Variants in APOL2 observed in about 807,000 individuals in gnomAD.
The protein encoded by APOL2 is apolipoprotein L2.
A neutral mutation model predicts 7.1 loss-of-function variants in APOL2; 8 were observed. The ratio of observed to expected loss-of-function variants is 1.12; its 90% CI spans 0.66 to 2.03. The LOEUF is 2.03. APOL2 is among the 30% of genes most tolerant of loss of function. APOL2 has a pLI of 0.00. For missense variants in APOL2, 471 were observed against 415.1 expected (o/e 1.13, Z -1.17); for synonymous variants, 177 against 159.9 (o/e 1.11, Z -0.81).
chr22:36,238,860 G>A (rs749110146), intron 1 of APOL2, among the ~76,000 whole-genome samples: 1 of 152,180 alleles, frequency 6.6e-6, no homozygotes, highest in Non-Finnish European at 1.5e-5. Flanking sequence ...CTCCTGACAC[G>A]GGACCCTGGC....
At chr22:36,230,495 T>C (rs915681436) in intron 4 of APOL2, among the ~76,000 whole-genome samples, 12 of 152,102 alleles carry the variant, frequency 7.9e-5, no homozygotes, top group East Asian at 3.9e-4. Context: ...TTCCACACCC[T>C]AGTCCCAGCC....
In APOL2 at chr22:36,226,222, G is replaced by A. The variant is rs988570644; in HGVS notation, c.*1182C>T. On this transcript the variant is annotated 3_prime_UTR_variant, in exon 5 of 5. Transcript: ENST00000358502. ...AACAAGTCCAGCTTGGTGAGTAGGT[G>A]AGTTTATTGGGACTTACACACAGGT... is the stretch of plus-strand genomic sequence containing the variant. The A allele has an allele frequency of 1.3e-5, 2 of 152,250 alleles. No homozygotes were observed. The highest frequency in any genetic ancestry group is 1.5e-5 in the Non-Finnish European group (1 of 68,062). The allele number at this position is 152,250 out of a possible 1,614,324, so 9.4% of individuals were successfully genotyped here. A position where few individuals can be genotyped will look rare whatever the true frequency, so the allele number is the denominator to read the frequency against.
chr22:36,227,453 T>C lies in APOL2; in HGVS notation c.965A>G (p.Asn322Ser), dbSNP rs1421183770. The change falls in exon 5 of 5, where the codon AAC becomes AGC. Residue 322 changes from asparagine to serine, a missense_variant. Coordinates refer to ENST00000358502, the MANE Select transcript of APOL2 (RefSeq NM_030882.4). ...CATCTCATGGATCTTGGTGAGAAAG[T>C]TGAGCTTCCCCTCCAGCTCCTGAGC... ...KRAQELEGKL[N>S]FLTKIHEMLQ... 6 of 1,613,344 alleles carry C rather than the reference T, an allele frequency of 3.7e-6. No individual in the cohort carries two copies. Among genetic ancestry groups the C allele is most frequent in the Admixed American group, 3.3e-5 (2 of 59,972 alleles).
At chr22:36,234,134 C>T (rs2015323374) in intron 1 of APOL2, 1 of 152,246 alleles carries the variant, frequency 6.6e-6, no homozygotes, top group African/African-American at 2.4e-5. Flanking sequence ...AGAATATCCT[C>T]CCTCACGTAA....
chr22:36,237,065 C>T (rs1449410719), intron 1 of APOL2: 3 of 1,520,728 alleles, frequency 2.0e-6, no homozygotes, highest in Non-Finnish European at 2.7e-6. Context: ...TCGGACCTGC[C>T]CAATACTTGT....
intron 4 of APOL2, among the ~76,000 whole-genome samples, chr22:36,229,835 C>A (rs370724073): frequency 4.3e-4 from 65 of 152,344 alleles, no homozygotes; most frequent in African/African-American, 1.5e-3. Flanking sequence ...ATGCCTCATG[C>A]CCTTTCACCT....
At chr22:36,232,990 C>T (rs577672652) in intron 3 of APOL2, among the ~76,000 whole-genome samples, 163 bp downstream of exon 3, 2 of 152,092 alleles carry the variant, frequency 1.3e-5, no homozygotes, top group Non-Finnish European at 2.9e-5. Flanking sequence ...GACCCCCAGA[C>T]CCCTGGGTCG....
intron 1 of APOL2, chr22:36,236,954 C>T: frequency 4.4e-6 from 6 of 1,352,906 alleles, no homozygotes; most frequent in Non-Finnish European, 5.7e-6. Context: ...CTCTGTGACA[C>T]CCTAGGCCAG....
chr22:36,228,293 A>G lies in APOL2; in HGVS notation c.138-13T>C. 1 of 1,601,718 alleles carries G rather than the reference A, an allele frequency of 6.2e-7. No homozygotes were observed. The highest frequency in any genetic ancestry group is 8.5e-7 in the Non-Finnish European group (1 of 1,174,302). ...ATCTGCCTCATCCCTGCACAAGGAA[A>G]GGTTAAAGGATTAAGAAATGCAGTT... On this transcript the variant is annotated splice_polypyrimidine_tract_variant and intron_variant, in intron 4 of 4. Transcript: ENST00000358502.
Position 36,228,179 on chromosome 22 carries a change from C to T in APOL2, c.239G>A (p.Trp80Ter), listed in dbSNP as rs1158626209. Reference sequence around the variant, plus strand: ...CAACCGAGGAAACTCTTTCAAAAACCACTGCCTGTGCTGCTGGTCTTTATC... The same window carrying T: ...CAACCGAGGAAACTCTTTCAAAAACTACTGCCTGTGCTGCTGGTCTTTATC... Reference protein sequence around the residue: ...RHDKDQQHRQWFLKEFPRLKR... With the variant: ...RHDKDQQHRQ The change falls in exon 5 of 5, where the codon TGG becomes TAG. Residue 80 changes from tryptophan (W) to a stop codon, truncating the protein, a stop_gained. Transcript: ENST00000358502. LOFTEE classifies it low-confidence loss of function (END_TRUNC). 1 of 1,614,076 alleles carries T rather than the reference C, an allele frequency of 6.2e-7. No homozygotes were observed. The highest frequency in any genetic ancestry group is 8.5e-7 in the Non-Finnish European group (1 of 1,180,040).
chr22:36,233,693 C>A (rs1398215265), intron 1 of APOL2, among the ~76,000 whole-genome samples: 2 of 152,286 alleles, frequency 1.3e-5, no homozygotes, highest in African/African-American at 2.4e-5. Context: ...AGATGGGTAC[C>A]ACTTTCCCAT....
chr22:36,229,960 C>T (rs1476396049), intron 4 of APOL2, among the ~76,000 whole-genome samples: 2 of 152,226 alleles, frequency 1.3e-5, no homozygotes, highest in African/African-American at 2.4e-5. Context: ...TGACCTACCA[C>T]CTGCACCCCC....
chr22:36,239,370 A>G, intron 1 of APOL2, 71 bp downstream of exon 1: 3 of 1,446,578 alleles, frequency 2.1e-6, no homozygotes, highest in Non-Finnish European at 2.8e-6. Flanking sequence ...ACAAAAGCTG[A>G]ATGATCCTTC....
chr22:36,228,256 T>C lies in APOL2; in HGVS notation c.162A>G (p.Lys54=), dbSNP rs374936329. The change falls in exon 5 of 5, where the codon AAA becomes AAG. Residue 54 remains lysine (K), a synonymous_variant. Coordinates refer to ENST00000358502, the MANE Select transcript of APOL2 (RefSeq NM_030882.4). ...TGTGACTTGCAAGCTTGTTCAGAGC[T>C]TTACGGAGCTCATCTGCCTCATCCC... The part of the protein sequence containing the change: ...LPRDEADELR[K]ALNKLASHMV... 1.4e-5 allele frequency: 22 copies of C among 1,613,938 alleles called. No individual in the cohort carries two copies. Among genetic ancestry groups the C allele is most frequent in the Non-Finnish European group, 1.8e-5 (21 of 1,179,960 alleles).
At chr22:36,237,315 A>G in intron 1 of APOL2, 1 of 1,344,276 alleles carries the variant, frequency 7.4e-7, no homozygotes, top group Non-Finnish European at 9.6e-7. Context: ...TGCAGAGGAC[A>G]GGGACTCTCA....
Position 36,233,195 on chromosome 22 carries a change from C to G in APOL2, c.-33G>C. 6.2e-7 allele frequency: 1 copy of G among 1,614,074 alleles called. No homozygotes were observed. The highest frequency in any genetic ancestry group is 8.5e-7 in the Non-Finnish European group (1 of 1,179,996). ...GCGGCTGGGTTACCGAGGGGCTTTC[C>G]TTGGAGCTCTCCAGTCACTGTCCAG... On this transcript the variant is annotated 5_prime_UTR_variant, in exon 3 of 5. Transcript: ENST00000358502.
intron 4 of APOL2, among the ~76,000 whole-genome samples, chr22:36,229,108 A>G (rs2015127483): frequency 6.6e-6 from 1 of 152,100 alleles, no homozygotes; most frequent in African/African-American, 2.4e-5. Flanking sequence ...AATCTCCCCA[A>G]ATCAGTTTAG....
At chr22:36,233,688 G>A (rs1045990580) in intron 1 of APOL2, among the ~76,000 whole-genome samples, 1 of 152,138 alleles carries the variant, frequency 6.6e-6, no homozygotes, top group African/African-American at 2.4e-5. Context: ...ACAGGAGATG[G>A]GTACCACTTT....
chr22:36,231,571 T>C, intron 3 of APOL2, 105 bp from the exon 4 acceptor site: 16 of 1,392,422 alleles, frequency 1.1e-5, no homozygotes, highest in Non-Finnish European at 1.6e-5. Context: ...ACAACTGTGA[T>C]GTGGGACATG....
Sources: gnomAD v4.1 joint callset for allele counts (sites outside exome capture counted in the v4.1 genomes callset) on GRCh38, gnomAD v4.1.1 for gene constraint, MANE v1.5 for transcripts, NCBI Gene and HGNC (gene_info 2026-07-23, HGNC 2026-07-21) for gene names.